Variants in NPAS3 observed in about 807,000 individuals in gnomAD.
NPAS3 encodes the protein neuronal PAS domain protein 3.
A neutral mutation model predicts 73.1 loss-of-function variants in NPAS3; 14 were observed. That is an observed-to-expected ratio of 0.19 (90% CI 0.13 to 0.30). The LOEUF is 0.30. Ranked by LOEUF, NPAS3 falls within the 10% of genes least tolerant of loss-of-function variation. The probability of loss-of-function intolerance (pLI) is 1.00; values close to 1 mark genes in which losing one functional copy is unlikely to be tolerated. For missense variants in NPAS3, 1,096 were observed against 1,250.0 expected (o/e 0.88, Z 1.86); for synonymous variants, 620 against 541.5 (o/e 1.14, Z -2.01).
intron 4 of NPAS3, among the ~76,000 whole-genome samples, chr14:33,416,933 A>G (rs1042519415): frequency 2.0e-5 from 3 of 151,988 alleles, no homozygotes; most frequent in Non-Finnish European, 4.4e-5. Context: ...TCTGGGGAGA[A>G]AAAAACAATT....
chr14:32,976,818 A>G (rs540098161), intron 1 of NPAS3, among the ~76,000 whole-genome samples: 4 of 152,208 alleles, frequency 2.6e-5, no homozygotes, highest in Non-Finnish European at 2.9e-5. Context: ...ACAAACTCCT[A>G]CTGAGAAATC....
chr14:33,799,667 G>C (rs554564899), intron 11 of NPAS3, 67 bp from the exon 12 acceptor site: 51 of 1,528,212 alleles, frequency 3.3e-5, no homozygotes, highest in African/African-American at 1.9e-4. Flanking sequence ...GGGTCGCCCC[G>C]CTAACCTGGT....
At chr14:33,263,517 C>G (rs1322896977) in intron 3 of NPAS3, among the ~76,000 whole-genome samples, 1 of 152,186 alleles carries the variant, frequency 6.6e-6, no homozygotes, top group African/African-American at 2.4e-5. Flanking sequence ...GTTTTGGTTA[C>G]TGTAGCCTTG....
chr14:33,372,592 A>G (rs1276541946), intron 4 of NPAS3, among the ~76,000 whole-genome samples: 1 of 152,182 alleles, frequency 6.6e-6, no homozygotes, highest in Non-Finnish European at 1.5e-5. Flanking sequence ...ACTGTGACCA[A>G]TATTATAGTC....
chr14:33,183,231 G>C (rs2045858460), intron 2 of NPAS3, among the ~76,000 whole-genome samples: 1 of 152,012 alleles, frequency 6.6e-6, no homozygotes, highest in African/African-American at 2.4e-5. Context: ...TTCAAGAACA[G>C]CCTGGCCAAC....
chr14:33,463,773 T>G (rs17101283), intron 4 of NPAS3, among the ~76,000 whole-genome samples: 16,258 of 152,190 alleles, frequency 0.11, 1,086 homozygotes, highest in East Asian at 0.24. Context: ...GTGGAATAAT[T>G]GATATTTCAG....
At chr14:33,397,542 A>G (rs1312971034) in intron 4 of NPAS3, among the ~76,000 whole-genome samples, 1 of 152,116 alleles carries the variant, frequency 6.6e-6, no homozygotes, top group Non-Finnish European at 1.5e-5. Flanking sequence ...TATTCTAATT[A>G]GTCAATTGCA....
At chr14:33,405,982 A>G (rs532272120) in intron 4 of NPAS3, among the ~76,000 whole-genome samples, 3 of 152,220 alleles carry the variant, frequency 2.0e-5, no homozygotes, top group African/African-American at 7.2e-5. Flanking sequence ...TTTTTTTTTA[A>G]AAGGAACAAG....
chr14:33,773,448 A>G (rs2138461655), intron 7 of NPAS3, among the ~76,000 whole-genome samples: 1 of 152,264 alleles, frequency 6.6e-6, no homozygotes, highest in East Asian at 1.9e-4. Flanking sequence ...CTGCAACCTA[A>G]GGCATAGTGG....
intron 4 of NPAS3, among the ~76,000 whole-genome samples, chr14:33,510,356 A>G (rs1253688662): frequency 6.6e-6 from 1 of 151,978 alleles, no homozygotes; most frequent in East Asian, 1.9e-4. Context: ...CGCTTTCACA[A>G]TCGCTGCTAT....
At chr14:33,534,291 AC>A (rs1358395610) in intron 4 of NPAS3, among the ~76,000 whole-genome samples, 1 of 152,050 alleles carries the variant, frequency 6.6e-6, no homozygotes. Flanking sequence ...AAAGTGTCAG[AC>A]AAAGCAACAG....
chr14:33,110,089 A>G (rs923811487), intron 2 of NPAS3, among the ~76,000 whole-genome samples: 3 of 152,154 alleles, frequency 2.0e-5, no homozygotes, highest in African/African-American at 7.2e-5. Flanking sequence ...TTTATAACAT[A>G]TTACGTTGAG....
chr14:33,700,300 C>A (rs2060492710), intron 6 of NPAS3, among the ~76,000 whole-genome samples: 1 of 152,178 alleles, frequency 6.6e-6, no homozygotes, highest in African/African-American at 2.4e-5. Context: ...GATGACAGGG[C>A]AAACTGCATC....
chr14:33,437,016 A>G (rs116792042), intron 4 of NPAS3, among the ~76,000 whole-genome samples: 20 of 152,324 alleles, frequency 1.3e-4, no homozygotes, highest in African/African-American at 4.8e-4. Flanking sequence ...AAAAACGTGT[A>G]AAATCATCCA....
chr14:33,196,834 T>C (rs934978634), intron 2 of NPAS3, among the ~76,000 whole-genome samples: 3 of 152,204 alleles, frequency 2.0e-5, no homozygotes, highest in Non-Finnish European at 4.4e-5. Flanking sequence ...GCTCTCATTT[T>C]CTGCTTGTCA....
At chr14:33,718,732 T>C (rs1352324895) in intron 6 of NPAS3, among the ~76,000 whole-genome samples, 1 of 152,190 alleles carries the variant, frequency 6.6e-6, no homozygotes, top group East Asian at 1.9e-4. Flanking sequence ...GTGGATTTAT[T>C]TGATTGTACA....
rs369109098 is a variant in NPAS3 at position 33,664,353 on chromosome 14, T to C, written c.559-11858T>C. Among the ~76,000 whole-genome samples, 86 of 152,282 alleles carry C rather than the reference T, an allele frequency of 5.6e-4. 1 individual carries two copies. The Middle Eastern group carries it at 0.01, about 18-fold the overall frequency. The stretch of plus-strand genomic sequence containing the variant: ...GAAACTGGACCCTTTCCTTACACCT[T>C]ATACAAAAATTAACTCGAGATGGAT... On this transcript the variant is annotated intron_variant, in intron 5 of 11. Transcript: ENST00000356141.
At chr14:32,975,307 T>TTCCTCC (rs71118521) in intron 1 of NPAS3, among the ~76,000 whole-genome samples, 58,652 of 145,140 alleles carry the variant, frequency 0.4, 12,420 homozygotes, top group South Asian at 0.54. Context: ...CCTCCCTCCC[T>TTCCTCC]GCCTCCGTCA....
intron 6 of NPAS3, among the ~76,000 whole-genome samples, chr14:33,678,613 CACCTTTCTCAGGGTAGGCTACT>C (rs2059838615): frequency 6.6e-6 from 1 of 152,186 alleles, no homozygotes. Context: ...GAGGAACTGT[CACCTTTCTCAGGGTAGGCTACT>C]ATACTTCTCT....
Sources: allele counts gnomAD v4.1 joint callset (sites outside exome capture counted in the v4.1 genomes callset), GRCh38; gene constraint gnomAD v4.1.1; transcripts MANE v1.5; gene names NCBI Gene and HGNC (gene_info 2026-07-23, HGNC 2026-07-21).